The following PCDH7 variants were observed in gnomAD, a reference collection of about 807,000 sequenced individuals.
The protein encoded by PCDH7 is protocadherin-7.
A neutral mutation model predicts 58.9 loss-of-function variants in PCDH7; 17 were observed. That is an observed-to-expected ratio of 0.29 (90% CI 0.20 to 0.43). PCDH7 has a LOEUF of 0.43. PCDH7 is among the 20% of genes least tolerant of loss of function. The pLI is 1.00. For synonymous variants in PCDH7, 664 were observed against 616.4 expected, an observed-to-expected ratio of 1.08 and a Z score of -1.14; for missense variants, 1,274 against 1,441.0, an observed-to-expected ratio of 0.88 and a Z score of 1.88.
chr4:31,056,090 C>T (rs1262938037), intron 3 of PCDH7, among the ~76,000 whole-genome samples: 1 of 151,904 alleles, frequency 6.6e-6, no homozygotes, highest in Non-Finnish European at 1.5e-5. Flanking sequence ...TAATGAGAGC[C>T]GGGCGTGGTG....
rs935282016 is a variant in PCDH7 at position 30,798,631 on chromosome 4, A to T, written c.70+74035A>T. 5.3e-5 allele frequency among the ~76,000 whole-genome samples: 8 copies of T among 152,332 alleles called. No homozygotes were observed. In the East Asian group the frequency reaches 1.2e-3, roughly 22 times the overall value. ...TGTGATGATATGGAATAACTTTAAT[A>T]TAAATTTTTAAAAATTACTTTGTTG... On this transcript the variant is annotated intron_variant, in intron 1 of 3. Coordinates refer to the PCDH7 transcript ENST00000509759.
chr4:30,731,101 G>A (rs183718771), exon 2 of PCDH7: 11,346 of 1,070,688 alleles, frequency 0.011, 69 homozygotes, highest in Non-Finnish European at 0.012. Context: ...AAATCCAAAA[G>A]CATATTGCAA....
intron 1 of PCDH7, among the ~76,000 whole-genome samples, chr4:30,895,124 G>A (rs1431752195): frequency 6.8e-6 from 1 of 147,176 alleles, no homozygotes; most frequent in East Asian, 2.0e-4. Context: ...TTATGAACAT[G>A]ACAATTTCAG....
At chr4:30,801,244 T>C (rs1223750263) in intron 1 of PCDH7, among the ~76,000 whole-genome samples, 1 of 152,056 alleles carries the variant, frequency 6.6e-6, no homozygotes, top group East Asian at 1.9e-4. Flanking sequence ...AATAAGAAAG[T>C]GGAATTGGAA....
chr4:30,761,984 T>A (rs1362658437), intron 1 of PCDH7, among the ~76,000 whole-genome samples: 1 of 152,222 alleles, frequency 6.6e-6, no homozygotes, highest in Non-Finnish European at 1.5e-5. Flanking sequence ...GTTTCTTGTA[T>A]AATTGAGTGA....
chr4:30,768,982 T>C (rs1721071181), intron 1 of PCDH7, among the ~76,000 whole-genome samples: 1 of 152,226 alleles, frequency 6.6e-6, no homozygotes, highest in African/African-American at 2.4e-5. Flanking sequence ...CAATCTAATA[T>C]AGATTAGCAA....
chr4:31,119,232 G>A (rs1369709882), intron 3 of PCDH7, among the ~76,000 whole-genome samples: 2 of 152,110 alleles, frequency 1.3e-5, no homozygotes, highest in East Asian at 3.9e-4. Context: ...TTTAAATTAT[G>A]TTTTGGTCTT....
chr4:30,933,558 A>G (rs1382121325), intron 2 of PCDH7, among the ~76,000 whole-genome samples: 1 of 152,162 alleles, frequency 6.6e-6, no homozygotes, highest in Admixed American at 6.5e-5. Flanking sequence ...CTTAAAATAT[A>G]TAAAGGATTT....
chr4:30,807,667 C>A (rs990378799), intron 1 of PCDH7, among the ~76,000 whole-genome samples: 89 of 151,924 alleles, frequency 5.9e-4, no homozygotes, highest in Middle Eastern at 3.4e-3. Flanking sequence ...AACAAATATT[C>A]TATTTTTGAG....
At chr4:30,815,113 G>C (rs1019280316) in intron 1 of PCDH7, among the ~76,000 whole-genome samples, 1 of 151,786 alleles carries the variant, frequency 6.6e-6, no homozygotes, top group African/African-American at 2.4e-5. Context: ...AAATCTGTGA[G>C]GATTATATGT....
Position 30,916,177 on chromosome 4 carries a change from T to G in PCDH7, c.71-3976T>G, listed in dbSNP as rs1742448703. Among the ~76,000 whole-genome samples the G allele has an allele frequency of 2.6e-5, 4 of 152,140 alleles. No homozygotes were observed. In the South Asian group the frequency reaches 8.3e-4, roughly 32 times the overall value. The stretch of plus-strand genomic sequence containing the variant: ...CTCAATCCAATCAGCTACATGGGCT[T>G]TCTTCATAATGGCCTTGCTGTCCGT... On this transcript the variant is annotated intron_variant, in intron 1 of 3. Transcript: ENST00000509759.
chr4:30,861,723 T>C (rs980461684), intron 1 of PCDH7, among the ~76,000 whole-genome samples: 1 of 152,180 alleles, frequency 6.6e-6, no homozygotes, highest in African/African-American at 2.4e-5. Flanking sequence ...ATAAACCCAA[T>C]GCTTTTACCT....
chr4:31,037,850 A>G (rs1297587092), intron 3 of PCDH7, among the ~76,000 whole-genome samples: 1 of 152,214 alleles, frequency 6.6e-6, no homozygotes, highest in Admixed American at 6.5e-5. Context: ...ATATCATAAT[A>G]GTATGGTGAA....
At chr4:31,074,167 C>T (rs559755304) in intron 3 of PCDH7, among the ~76,000 whole-genome samples, 1 of 151,812 alleles carries the variant, frequency 6.6e-6, no homozygotes, top group South Asian at 2.1e-4. Context: ...TCAACCATAT[C>T]ACTCCTCTTA....
chr4:31,030,176 T>TGTGC, intron 3 of PCDH7, among the ~76,000 whole-genome samples: 2 of 151,880 alleles, frequency 1.3e-5, no homozygotes, highest in African/African-American at 2.4e-5. Flanking sequence ...TGCATGTGTG[T>TGTGC]ATGGGAGTGG....
intron 1 of PCDH7, among the ~76,000 whole-genome samples, chr4:30,809,781 C>T (rs1006975696): frequency 3.3e-5 from 5 of 152,054 alleles, no homozygotes; most frequent in Middle Eastern, 3.2e-3. Flanking sequence ...TTACTTTCGA[C>T]GCCCTAGTAA....
intron 2 of PCDH7, among the ~76,000 whole-genome samples, chr4:30,941,965 A>G (rs1746092762): frequency 6.6e-6 from 1 of 151,924 alleles, no homozygotes; most frequent in Non-Finnish European, 1.5e-5. Flanking sequence ...TTTGAAAATA[A>G]TTTATAGAAT....
intron 1 of PCDH7, among the ~76,000 whole-genome samples, chr4:30,815,023 A>G (rs922753401): frequency 6.6e-6 from 1 of 152,128 alleles, no homozygotes; most frequent in African/African-American, 2.4e-5. Context: ...CACAAAATAA[A>G]CAGCAGTATA....
intron 3 of PCDH7, among the ~76,000 whole-genome samples, chr4:31,079,383 G>C (rs558941075): frequency 8.2e-6 from 1 of 122,614 alleles, no homozygotes; most frequent in Non-Finnish European, 1.7e-5. Flanking sequence ...TTTCAAAATA[G>C]ACAGAATAGC....
Sources: allele counts gnomAD v4.1 joint callset (sites outside exome capture counted in the v4.1 genomes callset), GRCh38; gene constraint gnomAD v4.1.1; transcripts MANE v1.5; gene names NCBI Gene and HGNC (gene_info 2026-07-23, HGNC 2026-07-21).